TMEM266: variants seen among roughly 807,000 people sequenced by gnomAD.
The protein encoded by TMEM266 is Hv1 related protein 1.
TMEM266 carries 33 observed loss-of-function variants against 50.5 expected under a neutral mutation model. That is an observed-to-expected ratio of 0.65 (90% CI 0.50 to 0.87). TMEM266 has a LOEUF of 0.87. Ranked by LOEUF, TMEM266 falls within the 40% of genes least tolerant of loss-of-function variation. TMEM266 has a pLI of 0.00. For synonymous variants in TMEM266, 310 were observed against 292.3 expected, an observed-to-expected ratio of 1.06 and a Z score of -0.62; for missense variants, 655 against 695.1, an observed-to-expected ratio of 0.94 and a Z score of 0.65.
At chr15:76,098,653 G>A (rs985310618) in intron 1 of TMEM266, among the ~76,000 whole-genome samples, 35 of 152,074 alleles carry the variant, frequency 2.3e-4, no homozygotes, top group Non-Finnish European at 8.8e-5. Flanking sequence ...AGGCAGGGAC[G>A]TTTAAGTCTA....
intron 1 of TMEM266, among the ~76,000 whole-genome samples, chr15:76,099,885 C>A (rs2036976368): frequency 6.6e-6 from 1 of 152,100 alleles, no homozygotes; most frequent in South Asian, 2.1e-4. Context: ...AGGAAGCAAG[C>A]ACATCTTACC....
Position 76,138,713 on chromosome 15 carries a change from G to T in TMEM266, c.227+818G>T, listed in dbSNP as rs551694993. Among the ~76,000 whole-genome samples the T allele has an allele frequency of 2.0e-5, 3 of 152,358 alleles. No individual in the cohort carries two copies. The South Asian group carries it at 6.2e-4, about 32-fold the overall frequency. ...TTAGGGCTCTCCCTTTCCAGGGAAG[G>T]CATGCGGAATATGTGGGTCCACAAT... On this transcript the variant is annotated intron_variant, in intron 3 of 10. Transcript: ENST00000388942.
chr15:76,093,031 C>G (rs2141999128), intron 1 of TMEM266, among the ~76,000 whole-genome samples: 1 of 151,818 alleles, frequency 6.6e-6, no homozygotes, highest in African/African-American at 2.4e-5. Flanking sequence ...TGGTCTCGAA[C>G]TCCTGACCTC....
chr15:76,072,263 A>C (rs1205680931), intron 1 of TMEM266, among the ~76,000 whole-genome samples: 1 of 150,982 alleles, frequency 6.6e-6, no homozygotes, highest in African/African-American at 2.4e-5. Flanking sequence ...ACATGGAAAA[A>C]CCCCGTCTCT....
chr15:76,170,839 G>T (rs2038176253), intron 6 of TMEM266, among the ~76,000 whole-genome samples, 154 bp from the exon 7 acceptor site: 1 of 152,184 alleles, frequency 6.6e-6, no homozygotes, highest in Non-Finnish European at 1.5e-5. Flanking sequence ...AAAGACTCAG[G>T]AGGGTCAGGA....
At position 76,099,250 on chromosome 15, in the gene TMEM266, G is replaced by A. The variant is rs140825487; in HGVS notation, c.-96-34918G>A. Among the ~76,000 whole-genome samples the A allele has an allele frequency of 3.9e-5, 6 of 152,334 alleles. No homozygotes were observed. The South Asian group carries it at 8.3e-4, about 21-fold the overall frequency. On this transcript the variant is annotated intron_variant, in intron 1 of 10. Coordinates refer to ENST00000388942, the MANE Select transcript of TMEM266 (RefSeq NM_152335.3). ...GGGAATCTCCTGGTTTGCGTGTTGCGAAGACAGTGGGACAAGTGCAGTATC... is the reference window on the plus strand; with the variant it reads ...GGGAATCTCCTGGTTTGCGTGTTGCAAAGACAGTGGGACAAGTGCAGTATC...
At chr15:76,138,401 T>C (rs946346363) in intron 3 of TMEM266, among the ~76,000 whole-genome samples, 17 of 151,988 alleles carry the variant, frequency 1.1e-4, no homozygotes, top group Non-Finnish European at 2.2e-4. Flanking sequence ...GCACAGACAA[T>C]ACCTGCCAGA....
chr15:76,095,538 G>A (rs1177680728), intron 1 of TMEM266, among the ~76,000 whole-genome samples: 4 of 151,962 alleles, frequency 2.6e-5, no homozygotes, highest in Non-Finnish European at 5.9e-5. Context: ...GAGGATTTTC[G>A]CATCGATTGT....
chr15:76,110,295 A>G (rs1415638001), intron 1 of TMEM266, among the ~76,000 whole-genome samples: 1 of 152,106 alleles, frequency 6.6e-6, no homozygotes, highest in Non-Finnish European at 1.5e-5. Flanking sequence ...AAGCCACCGC[A>G]CCATGCCAAA....
At chr15:76,068,522 A>T (rs1012779114) in intron 1 of TMEM266, among the ~76,000 whole-genome samples, 8 of 152,354 alleles carry the variant, frequency 5.3e-5, no homozygotes, top group Middle Eastern at 3.4e-3. Flanking sequence ...CCCCAATGTG[A>T]CTTATCAGGA....
intron 8 of TMEM266, among the ~76,000 whole-genome samples, chr15:76,186,144 CA>C (rs2038487202): frequency 6.6e-6 from 1 of 152,176 alleles, no homozygotes; most frequent in African/African-American, 2.4e-5. Flanking sequence ...GGCTAGAAGC[CA>C]GGGGCGTGGG....
At chr15:76,083,072 T>C (rs528196149) in intron 1 of TMEM266, among the ~76,000 whole-genome samples, 2 of 152,002 alleles carry the variant, frequency 1.3e-5, no homozygotes, top group South Asian at 4.2e-4. Flanking sequence ...TCATGAGGGA[T>C]CCACCCCCAT....
At chr15:76,186,281 A>G (rs781151888) in intron 8 of TMEM266, among the ~76,000 whole-genome samples, 2 of 152,096 alleles carry the variant, frequency 1.3e-5, no homozygotes, top group Admixed American at 6.5e-5. Flanking sequence ...TGAGGCCCCA[A>G]TGTCCTAGGG....
intron 2 of TMEM266, among the ~76,000 whole-genome samples, chr15:76,135,942 GT>G (rs112950737): frequency 9.6e-4 from 140 of 145,276 alleles, no homozygotes; most frequent in East Asian, 2.0e-3. Context: ...GCAGCTGTGG[GT>G]TTTTTTTTTT....
chr15:76,187,394 T>A (rs534011210), intron 8 of TMEM266, among the ~76,000 whole-genome samples: 1 of 152,212 alleles, frequency 6.6e-6, no homozygotes, highest in East Asian at 1.9e-4. Context: ...CCTCGATGAG[T>A]GGCCTTGGAG....
At chr15:76,137,293 A>T (rs575858027) in intron 2 of TMEM266, among the ~76,000 whole-genome samples, 160 of 152,284 alleles carry the variant, frequency 1.1e-3, no homozygotes, top group African/African-American at 3.5e-3. Flanking sequence ...ATTTCAAAAC[A>T]CCTTTACAAA....
intron 5 of TMEM266, among the ~76,000 whole-genome samples, chr15:76,162,116 T>C (rs1288864143): frequency 1.3e-5 from 2 of 152,206 alleles, no homozygotes; most frequent in Non-Finnish European, 2.9e-5. Context: ...AGGGAAGGGC[T>C]GGGTCCTCCC....
intron 1 of TMEM266, among the ~76,000 whole-genome samples, chr15:76,130,112 T>C (rs1285345017): frequency 6.7e-6 from 1 of 148,460 alleles, no homozygotes; most frequent in East Asian, 2.0e-4. Flanking sequence ...TCAGCTACTC[T>C]GGGGGCTGAT....
At chr15:76,170,638 C>T (rs1337991554) in intron 6 of TMEM266, among the ~76,000 whole-genome samples, 1 of 152,228 alleles carries the variant, frequency 6.6e-6, no homozygotes, top group Non-Finnish European at 1.5e-5. Flanking sequence ...CCTGAGCCTG[C>T]CTTCAGCCCC....
Sources: gnomAD v4.1 joint callset for allele counts (sites outside exome capture counted in the v4.1 genomes callset) on GRCh38, gnomAD v4.1.1 for gene constraint, MANE v1.5 for transcripts, NCBI Gene and HGNC (gene_info 2026-07-23, HGNC 2026-07-21) for gene names.